Variants in TMPPE observed in about 807,000 individuals in gnomAD.
TMPPE encodes the protein transmembrane protein with metallophosphoesterase domain.
TMPPE carries 16 observed loss-of-function variants against 22.6 expected under a neutral mutation model. The observed-to-expected ratio is 0.71, with a 90% CI of 0.48 to 1.08. The LOEUF (loss-of-function observed/expected upper bound fraction) is 1.08, where lower values mean the gene tolerates loss of function less well. Among genes scored for constraint, TMPPE ranks in the 50% least tolerant of loss-of-function variants. The probability of loss-of-function intolerance (pLI) is 0.00; values close to 1 mark genes in which losing one functional copy is unlikely to be tolerated. For synonymous variants in TMPPE, 240 were observed against 245.3 expected (o/e 0.98, Z 0.20); for missense variants, 526 against 584.3 (o/e 0.90, Z 1.03).
chr3:33,095,305 C>A (rs1476116168), intron 1 of TMPPE, among the ~76,000 whole-genome samples: 2 of 151,126 alleles, frequency 1.3e-5, no homozygotes, highest in Non-Finnish European at 2.9e-5. Flanking sequence ...GTCACGAGGT[C>A]AGGAGATCGA....
In TMPPE at chr3:33,092,934, G is replaced by A; in HGVS notation, c.1262C>T (p.Thr421Ile). The part of the protein sequence containing the change: ...FAGLYQVAQA[T>I]FVYVSPGTAY... ...TGTGCCTGGGCTGACATACACGAAT[G>A]TAGCCTGGGCCACCTGGTAGAGACC... Residue 421 changes from threonine to isoleucine, a missense_variant, in exon 2 of 2, where the codon ACA becomes ATA. Coordinates refer to ENST00000342462, the MANE Select transcript of TMPPE (RefSeq NM_001039770.3). The A allele has an allele frequency of 6.2e-7, 1 of 1,614,216 alleles. No homozygotes were observed. The highest frequency in any genetic ancestry group is 8.5e-7 in the Non-Finnish European group (1 of 1,180,038).
Position 33,096,886 on chromosome 3 carries a change from T to TG in TMPPE, c.-277dup. ...TGCGTTCCGCCGGCCGCGAGCCTGC[T>TG]GGGGGGCACTTCGGGGCTCAGGCTC... On this transcript the variant is annotated 5_prime_UTR_variant, in exon 1 of 2. Transcript: ENST00000342462. The TG allele has an allele frequency of 2.7e-6, 4 of 1,479,346 alleles. No individual in the cohort carries two copies. Among genetic ancestry groups the TG allele is most frequent in the Non-Finnish European group, 2.7e-6 (3 of 1,112,350 alleles). 91.6% of individuals were successfully genotyped at this position (1,479,346 alleles called of 1,614,324 possible).
At position 33,091,300 on chromosome 3, in the gene TMPPE, TCCCCCAGAA is replaced by T. The variant is rs1016909780; in HGVS notation, c.*1525_*1533del. The T allele has an allele frequency of 1.0e-4, 103 of 985,248 alleles. 1 individual carries two copies. In the African/African-American group the frequency reaches 1.6e-3, roughly 15 times the overall value. 61.0% of individuals were successfully genotyped at this position (985,248 alleles called of 1,614,324 possible). A position where few individuals can be genotyped will look rare whatever the true frequency, so the allele number is the denominator to read the frequency against. On this transcript the variant is annotated 3_prime_UTR_variant, in exon 2 of 2. Coordinates refer to ENST00000342462, the MANE Select transcript of TMPPE (RefSeq NM_001039770.3). Reference sequence around the variant, plus strand: ...GGGAACAAAAAGGGTGGTCTCCAGATCCCCCAGAACCCCACTATACACCAGGAGGACAAG... The same window carrying T: ...GGGAACAAAAAGGGTGGTCTCCAGATCCCCACTATACACCAGGAGGACAAG...
chr3:33,094,385 TGCCC>T, intron 1 of TMPPE, 82 bp from the exon 2 acceptor site: 1 of 1,355,496 alleles, frequency 7.4e-7, no homozygotes, highest in Admixed American at 3.3e-5. Flanking sequence ...CACTTACATC[TGCCC>T]AACCCACCTT....
chr3:33,092,307 ATTC>A lies in TMPPE; in HGVS notation c.*524_*526del. The A allele has an allele frequency of 1.0e-6, 1 of 986,968 alleles. No homozygotes were observed. The highest frequency in any genetic ancestry group is 1.2e-6 in the Non-Finnish European group (1 of 831,048). 61.1% of individuals were successfully genotyped at this position (986,968 alleles called of 1,614,324 possible). A position where few individuals can be genotyped will look rare whatever the true frequency, so the allele number is the denominator to read the frequency against. ...TGATAGAATCAGAGGAAAAGAAAAT[ATTC>A]TTCTCTAGCAGCCAGAGGGCCCTTC... On this transcript the variant is annotated 3_prime_UTR_variant, in exon 2 of 2. Coordinates refer to ENST00000342462, the MANE Select transcript of TMPPE (RefSeq NM_001039770.3).
chr3:33,093,416 A>G lies in TMPPE; in HGVS notation c.780T>C (p.Ala260=). The G allele has an allele frequency of 1.2e-6, 2 of 1,613,908 alleles. No homozygotes were observed. Among genetic ancestry groups the G allele is most frequent in the Non-Finnish European group, 1.7e-6 (2 of 1,179,976 alleles). ...SEASVLRTAV[A]PLGQLHSHLG... is the part of the protein sequence containing the mutation. ...GATGTGAATGAAGCTGGCCCAGAGG[A>G]GCGACAGCCGTCCGCAGGACCGAGG... The change falls in exon 2 of 2, where the codon GCT becomes GCC. Residue 260 remains alanine (A), a synonymous_variant. Coordinates refer to ENST00000342462, the MANE Select transcript of TMPPE (RefSeq NM_001039770.3). This position sits in a 1 kb window ranked among gnomAD's most constrained non-coding sequence, Gnocchi z 6.0.
chr3:33,092,851 G>C lies in TMPPE; in HGVS notation c.1345C>G (p.Leu449Val), dbSNP rs769729960. ...GSRAEITELILQRSP is the reference protein window; with the variant it reads ...GSRAEITELIVQRSP ...GGGCCAGTTCAGGGAGACCGCTGCA[G>C]GATGAGCTCTGTGATCTCGGCCCTG... Residue 449 changes from leucine (L) to valine (V), a missense_variant, in exon 2 of 2, where the codon CTG becomes GTG. Physicochemically the swap from Leu to Val is conservative, Grantham distance 32. Transcript: ENST00000342462. The C allele has an allele frequency of 6.2e-7, 1 of 1,607,058 alleles. No individual in the cohort carries two copies. Among genetic ancestry groups the C allele is most frequent in the South Asian group, 1.1e-5 (1 of 90,048 alleles).
At position 33,094,094 on chromosome 3, in the gene TMPPE, G is replaced by T. The variant is rs766377963; in HGVS notation, c.102C>A (p.Ser34Arg). The T allele has an allele frequency of 1.2e-6, 2 of 1,614,242 alleles. No homozygotes were observed. Among genetic ancestry groups the T allele is most frequent in the Non-Finnish European group, 1.7e-6 (2 of 1,180,052 alleles). ...MIASRSYLAE[S>R]LELRAWRWLL... The stretch of plus-strand genomic sequence containing the variant: ...GCCAACGCCAGGCCCTGAGCTCAAG[G>T]CTCTCTGCCAGATACGAGCGGGAGG... The change falls in exon 2 of 2, where the codon AGC (serine) becomes AGA (arginine). Residue 34 changes from serine (S) to arginine (R), a missense_variant. By Grantham distance (110) the Ser-to-Arg change is moderately radical. Transcript: ENST00000342462.
In TMPPE at chr3:33,093,313, G is replaced by C; in HGVS notation, c.883C>G (p.Leu295Val). ...VSNWFALLES[L>V]HVQPLHNENV... ...TCATTATGAAGAGGCTGGACATGCA[G>C]GGATTCCAGAAGTGCAAACCAGTTG... The change falls in exon 2 of 2, where the codon CTG (leucine) becomes GTG (valine). Residue 295 changes from leucine (L) to valine (V), a missense_variant. Transcript: ENST00000342462. This position sits in a 1 kb window ranked among gnomAD's most constrained non-coding sequence, Gnocchi z 6.0. 1 of 1,614,178 alleles carries C rather than the reference G, an allele frequency of 6.2e-7. No individual in the cohort carries two copies. Among genetic ancestry groups the C allele is most frequent in the Non-Finnish European group, 8.5e-7 (1 of 1,180,034 alleles).
chr3:33,091,494 C>G lies in TMPPE; in HGVS notation c.*1340G>C, dbSNP rs1478485920. 1.0e-6 allele frequency: 1 copy of G among 985,386 alleles called. No individual in the cohort carries two copies. The highest frequency in any genetic ancestry group is 1.2e-6 in the Non-Finnish European group (1 of 829,976). 61.0% of individuals were successfully genotyped at this position (985,386 alleles called of 1,614,324 possible). On this transcript the variant is annotated 3_prime_UTR_variant, in exon 2 of 2. Transcript: ENST00000342462. ...CTGGCTGCTCCATGAATCCTCTGGGCACCTGTGCCCAACAGAGTTCCTTAG... is the reference window on the plus strand; with the variant it reads ...CTGGCTGCTCCATGAATCCTCTGGGGACCTGTGCCCAACAGAGTTCCTTAG...
In TMPPE at chr3:33,091,086, C is replaced by G. The variant is rs1257504116; in HGVS notation, c.*1748G>C. The G allele has an allele frequency of 3.0e-6, 3 of 985,190 alleles. No individual in the cohort carries two copies. Among genetic ancestry groups the G allele is most frequent in the Non-Finnish European group, 3.6e-6 (3 of 829,932 alleles). 61.0% of individuals were successfully genotyped at this position (985,190 alleles called of 1,614,324 possible). A position where few individuals can be genotyped will look rare whatever the true frequency, so the allele number is the denominator to read the frequency against. On this transcript the variant is annotated 3_prime_UTR_variant, in exon 2 of 2. Transcript: ENST00000342462. ...AAGTGAAATGGCACCATCTAGCCCA[C>G]CTGGTGAAATCCAAAGCGAGAACTT...
Position 33,093,431 on chromosome 3 carries a change from C to G in TMPPE, c.765G>C (p.Leu255=). ...GGCCCAGAGGAGCGACAGCCGTCCG[C>G]AGGACCGAGGCTTCTGAGTCGGAGA... is the stretch of plus-strand genomic sequence containing the variant. The part of the protein sequence containing the change: ...GDLSDSEASV[L]RTAVAPLGQL... The change falls in exon 2 of 2, where the codon CTG becomes CTC. Residue 255 remains leucine, a synonymous_variant. Coordinates refer to ENST00000342462, the MANE Select transcript of TMPPE (RefSeq NM_001039770.3). The surrounding 1 kb of genome is among the most constrained non-coding windows in gnomAD (Gnocchi z 6.0). The G allele has an allele frequency of 6.2e-7, 1 of 1,614,162 alleles. No homozygotes were observed. The highest frequency in any genetic ancestry group is 1.1e-5 in the South Asian group (1 of 91,080).
rs1267253831 is a variant in TMPPE at position 33,093,598 on chromosome 3, G to T, written c.598C>A (p.Leu200Met). The T allele has an allele frequency of 1.2e-6, 2 of 1,614,188 alleles. No homozygotes were observed. The highest frequency in any genetic ancestry group is 2.2e-5 in the South Asian group (2 of 91,080). The change falls in exon 2 of 2, where the codon CTG becomes ATG. Residue 200 changes from leucine to methionine, a missense_variant. By Grantham distance (15) the Leu-to-Met change is conservative. Coordinates refer to ENST00000342462, the MANE Select transcript of TMPPE (RefSeq NM_001039770.3). The surrounding 1 kb of genome is among the most constrained non-coding windows in gnomAD (Gnocchi z 6.0). ...TTGAGGTTGTTCATTGAGGCAGGCA[G>T]CTGATGGATGGGCACCTCCACAGTT... ...VKTVEVPIHQ[L>M]PASMNNLKIV...
In TMPPE at chr3:33,093,794, G is replaced by T. The variant is rs1310746327; in HGVS notation, c.402C>A (p.Ile134=). The change falls in exon 2 of 2, where the codon ATC becomes ATA. Residue 134 remains isoleucine (I), a synonymous_variant. Coordinates refer to ENST00000342462, the MANE Select transcript of TMPPE (RefSeq NM_001039770.3). The surrounding 1 kb of genome is among the most constrained non-coding windows in gnomAD (Gnocchi z 6.0). ...AYIIMLFFLF[I]LSGMEQAYQL... ...GGTAGGCCTGCTCCATGCCGCTGAG[G>T]ATGAAGAGGAAGAAGAGCATGATGA... 1.2e-6 allele frequency: 2 copies of T among 1,613,456 alleles called. No homozygotes were observed. Among genetic ancestry groups the T allele is most frequent in the African/African-American group, 2.7e-5 (2 of 75,040 alleles).
rs993380472 is a variant in TMPPE at position 33,093,818 on chromosome 3, G to T, written c.378C>A (p.Ile126=). Residue 126 remains isoleucine, a synonymous_variant, in exon 2 of 2, where the codon ATC becomes ATA. Transcript: ENST00000342462. This position sits in a 1 kb window ranked among gnomAD's most constrained non-coding sequence, Gnocchi z 6.0. ...LAAYSCLGAY[I]IMLFFLFILS... is the part of the protein sequence containing the mutation. Reference sequence around the variant, plus strand: ...GGATGAAGAGGAAGAAGAGCATGATGATGTAAGCACCCAGGCAGGAGTAGG... The same window carrying T: ...GGATGAAGAGGAAGAAGAGCATGATTATGTAAGCACCCAGGCAGGAGTAGG... 5 of 1,613,552 alleles carry T rather than the reference G, an allele frequency of 3.1e-6. No individual in the cohort carries two copies. The highest frequency in any genetic ancestry group is 4.2e-6 in the Non-Finnish European group (5 of 1,179,728).
chr3:33,095,595 G>A (rs894851545), intron 1 of TMPPE, among the ~76,000 whole-genome samples: 6 of 152,156 alleles, frequency 3.9e-5, no homozygotes, highest in Non-Finnish European at 8.8e-5. Context: ...TGGGCCTCAG[G>A]TATGGCAGCC....
Position 33,093,147 on chromosome 3 carries a change from T to C in TMPPE, c.1049A>G (p.Asp350Gly). 6.2e-7 allele frequency: 1 copy of C among 1,614,120 alleles called. No homozygotes were observed. Among genetic ancestry groups the C allele is most frequent in the African/African-American group, 1.3e-5 (1 of 75,014 alleles). The change falls in exon 2 of 2, where the codon GAT becomes GGT. Residue 350 changes from aspartate to glycine, a missense_variant. Coordinates refer to ENST00000342462, the MANE Select transcript of TMPPE (RefSeq NM_001039770.3). This position sits in a 1 kb window ranked among gnomAD's most constrained non-coding sequence, Gnocchi z 6.0. ...DILHYSGHGM[D>G]LDKALEGCSP... ...GCAGCCCTCCAGGGCCTTGTCAAGATCCATGCCATGGCCAGAGTAGTGCAG... is the reference window on the plus strand; with the variant it reads ...GCAGCCCTCCAGGGCCTTGTCAAGACCCATGCCATGGCCAGAGTAGTGCAG...
In TMPPE at chr3:33,091,646, T is replaced by C; in HGVS notation, c.*1188A>G. On this transcript the variant is annotated 3_prime_UTR_variant, in exon 2 of 2. Transcript: ENST00000342462. ...AACAATCTTGAGGTAGATACGATAA[T>C]TATCCCCATTTTAGGGTTGATGGAA... 1 of 984,704 alleles carries C rather than the reference T, an allele frequency of 1.0e-6. No homozygotes were observed. The highest frequency in any genetic ancestry group is 1.2e-6 in the Non-Finnish European group (1 of 829,246). 61.0% of individuals were successfully genotyped at this position (984,704 alleles called of 1,614,324 possible). A position where few individuals can be genotyped will look rare whatever the true frequency, so the allele number is the denominator to read the frequency against.
In TMPPE at chr3:33,094,030, A is replaced by G. The variant is rs1433317617; in HGVS notation, c.166T>C (p.Leu56=). 6.2e-7 allele frequency: 1 copy of G among 1,614,258 alleles called. No individual in the cohort carries two copies. The highest frequency in any genetic ancestry group is 8.5e-7 in the Non-Finnish European group (1 of 1,180,044). ...CAAATGTAGAGGGAGCCAATGAGCAAGAGCGAGTTGACAAACAGGGCAAGC... is the reference window on the plus strand; with the variant it reads ...CAAATGTAGAGGGAGCCAATGAGCAGGAGCGAGTTGACAAACAGGGCAAGC... ...LQLALFVNSL[L]LIGSLYIWRS... Residue 56 remains leucine, a synonymous_variant, in exon 2 of 2, where the codon TTG becomes CTG. Coordinates refer to ENST00000342462, the MANE Select transcript of TMPPE (RefSeq NM_001039770.3).
Sources: gnomAD v4.1 joint callset for allele counts (sites outside exome capture counted in the v4.1 genomes callset) on GRCh38, gnomAD v4.1.1 for gene constraint, Gnocchi (gnomAD v3.1) non-coding constraint, MANE v1.5 for transcripts, NCBI Gene and HGNC (gene_info 2026-07-23, HGNC 2026-07-21) for gene names.